The following FAM3B variants were observed in gnomAD, a reference collection of about 807,000 sequenced individuals.
FAM3B encodes the protein protein FAM3B.
A neutral mutation model predicts 28.4 loss-of-function variants in FAM3B; 29 were observed. The observed-to-expected ratio is 1.02, with a 90% CI of 0.76 to 1.39. The LOEUF is 1.39. FAM3B is among the 40% of genes most tolerant of loss of function. FAM3B has a pLI of 0.00. For synonymous variants in FAM3B, 91 were observed against 103.0 expected (o/e 0.88, Z 0.71); for missense variants, 266 against 293.9 (o/e 0.91, Z 0.69).
At chr21:41,343,021 G>T (rs2089021806) in intron 3 of FAM3B, among the ~76,000 whole-genome samples, 3 of 152,196 alleles carry the variant, frequency 2.0e-5, no homozygotes, top group African/African-American at 7.2e-5. Context: ...AAGATTTTCT[G>T]GGCCACCTAG....
At chr21:41,307,355 T>G (rs923950729) in intron 1 of FAM3B, among the ~76,000 whole-genome samples, 2 of 152,208 alleles carry the variant, frequency 1.3e-5, no homozygotes, top group Non-Finnish European at 2.9e-5. Flanking sequence ...TGAGGAAATA[T>G]CATGGTTTAC....
In FAM3B at chr21:41,357,200, C is replaced by T; in HGVS notation, c.*3C>T. The T allele has an allele frequency of 6.2e-7, 1 of 1,602,864 alleles. No homozygotes were observed. The highest frequency in any genetic ancestry group is 8.5e-7 in the Non-Finnish European group (1 of 1,171,276). ...GCATACCCAAAGAACGAAGCTGACA[C>T]TGCAGGGTCCTGAGTAAATGTGTTC... On this transcript the variant is annotated 3_prime_UTR_variant, in exon 8 of 8. Coordinates refer to ENST00000357985, the MANE Select transcript of FAM3B (RefSeq NM_058186.4).
At chr21:41,346,105 T>C in intron 5 of FAM3B, 1 of 209,270 alleles carries the variant, frequency 4.8e-6, no homozygotes, top group Non-Finnish European at 9.5e-6. Flanking sequence ...CTTTGAAAGC[T>C]GTCACGATTA....
chr21:41,351,777 G>A (rs2089122529), intron 7 of FAM3B, among the ~76,000 whole-genome samples: 2 of 152,168 alleles, frequency 1.3e-5, no homozygotes, highest in Admixed American at 1.3e-4. Flanking sequence ...CCCACTACCT[G>A]CTGAATTGAA....
chr21:41,323,735 C>T (rs988705711), intron 2 of FAM3B, among the ~76,000 whole-genome samples: 4 of 152,076 alleles, frequency 2.6e-5, no homozygotes, highest in Admixed American at 6.5e-5. Context: ...AAATGAGATT[C>T]GAGAGAGGAT....
At chr21:41,350,635 C>T (rs1439405380) in intron 7 of FAM3B, among the ~76,000 whole-genome samples, 1 of 152,224 alleles carries the variant, frequency 6.6e-6, no homozygotes, top group Non-Finnish European at 1.5e-5. Flanking sequence ...GATGTCCAGG[C>T]TGTGCGCAGG....
In FAM3B at chr21:41,326,539, G is replaced by T. The variant is rs1276472860; in HGVS notation, c.163+3473G>T. ...CCACACGAAACAGGACTCTCACTTTGCAGAGCGCCAGGGGCTGCAAGTCTA... is the reference window on the plus strand; with the variant it reads ...CCACACGAAACAGGACTCTCACTTTTCAGAGCGCCAGGGGCTGCAAGTCTA... On this transcript the variant is annotated intron_variant, in intron 2 of 7. Coordinates refer to ENST00000357985, the MANE Select transcript of FAM3B (RefSeq NM_058186.4). This position sits in a 1 kb window ranked among gnomAD's most constrained non-coding sequence, Gnocchi z 4.0. Among the ~76,000 whole-genome samples the T allele has an allele frequency of 6.6e-6, 1 of 152,258 alleles. No homozygotes were observed. Among genetic ancestry groups the T allele is most frequent in the Non-Finnish European group, 1.5e-5 (1 of 68,044 alleles).
At chr21:41,341,791 C>T (rs1249630747) in intron 3 of FAM3B, among the ~76,000 whole-genome samples, 3 of 152,196 alleles carry the variant, frequency 2.0e-5, no homozygotes, top group Non-Finnish European at 4.4e-5. Flanking sequence ...GTTTATGTCT[C>T]TTGGTGCACA....
In FAM3B at chr21:41,330,846, G is replaced by A. The variant is rs145356396; in HGVS notation, c.164-7532G>A. Among the ~76,000 whole-genome samples the A allele has an allele frequency of 3.4e-3, 516 of 152,186 alleles. 5 individuals carry two copies. Among genetic ancestry groups the A allele is most frequent in the African/African-American group, 0.011 (439 of 41,500 alleles). On this transcript the variant is annotated intron_variant, in intron 2 of 7. Transcript: ENST00000357985. ...CATTTTCCTTATTCATTCATTCATC[G>A]ATGGGCACATAGATTGATTCTGTAT... is the stretch of plus-strand genomic sequence containing the variant.
chr21:41,352,521 G>T (rs1323268827), intron 7 of FAM3B, among the ~76,000 whole-genome samples: 3 of 152,142 alleles, frequency 2.0e-5, no homozygotes, highest in South Asian at 4.1e-4. Context: ...TAGGCCAGGC[G>T]CAGTGGCTCA....
intron 2 of FAM3B, among the ~76,000 whole-genome samples, chr21:41,334,644 C>G (rs1263093450): frequency 6.6e-6 from 1 of 152,150 alleles, no homozygotes; most frequent in Non-Finnish European, 1.5e-5. Context: ...CAAGCAGAAG[C>G]TGCTGCTGGG....
chr21:41,349,912 T>G lies in FAM3B; in HGVS notation c.618+1188T>G, dbSNP rs532151333. Among the ~76,000 whole-genome samples, 56 of 152,294 alleles carry G rather than the reference T, an allele frequency of 3.7e-4. 2 individuals carry two copies. The South Asian group carries it at 0.012, about 32-fold the overall frequency. On this transcript the variant is annotated intron_variant, in intron 7 of 7. Transcript: ENST00000357985. ...CCCTGCAGAACGTGTAGGGAATGTTTCCCGGGGCCCTGGCCTCGACCCCTC... is the reference window on the plus strand; with the variant it reads ...CCCTGCAGAACGTGTAGGGAATGTTGCCCGGGGCCCTGGCCTCGACCCCTC...
rs887053604 is a variant in FAM3B, at chr21:41,326,718, G to C, written c.163+3652G>C. Among the ~76,000 whole-genome samples, 1 of 152,244 alleles carries C rather than the reference G, an allele frequency of 6.6e-6. No homozygotes were observed. Among genetic ancestry groups the C allele is most frequent in the South Asian group, 2.1e-4 (1 of 4,838 alleles). On this transcript the variant is annotated intron_variant, in intron 2 of 7. Coordinates refer to ENST00000357985, the MANE Select transcript of FAM3B (RefSeq NM_058186.4). This position sits in a 1 kb window ranked among gnomAD's most constrained non-coding sequence, Gnocchi z 4.0. ...GGCCCCGCTGGAGACGCCAGCACCA[G>C]CCCTTTGGGTGAGTGTCCTGGGTCC...
intron 2 of FAM3B, among the ~76,000 whole-genome samples, chr21:41,334,535 T>G (rs2088935749): frequency 6.6e-6 from 1 of 152,120 alleles, no homozygotes; most frequent in Non-Finnish European, 1.5e-5. Flanking sequence ...CTGGGGGGTA[T>G]TCACATGATA....
chr21:41,345,918 A>G, intron 5 of FAM3B, 182 bp downstream of exon 5: 1 of 534,798 alleles, frequency 1.9e-6, no homozygotes, highest in Non-Finnish European at 3.3e-6. Context: ...TTCATAGAAC[A>G]TTTGAAGGCA....
rs3037004 is a variant in FAM3B, at chr21:41,330,134, G to GAAA, written c.163+7083_163+7085dup. 7.4e-4 allele frequency among the ~76,000 whole-genome samples: 102 copies of GAAA among 138,730 alleles called. 1 individual carries two copies. Among genetic ancestry groups the GAAA allele is most frequent in the East Asian group, 2.3e-3 (11 of 4,846 alleles). The allele number at this position is 138,730 out of a possible 152,430, so 91.0% of individuals were successfully genotyped here. On this transcript the variant is annotated intron_variant, in intron 2 of 7. Transcript: ENST00000357985. ...CTTTATCATAGTTATGTCTGTATAG[G>GAAA]AAAAAAAAAAAAAAAAACATAATAC...
upstream of FAM3B, chr21:41,316,703 C>T: frequency 2.1e-6 from 1 of 474,872 alleles, no homozygotes; most frequent in South Asian, 5.5e-5. Flanking sequence ...CCCACGCCCG[C>T]CCCGCGCACC....
At chr21:41,320,634 G>C (rs1019951078) in intron 1 of FAM3B, 1 of 152,360 alleles carries the variant, frequency 6.6e-6, no homozygotes, top group Admixed American at 6.6e-5. Context: ...CAGTGCTGGC[G>C]GCTGGATCTG....
intron 2 of FAM3B, 143 bp from the exon 3 acceptor site, chr21:41,338,235 G>A (rs917760667): frequency 1.2e-6 from 1 of 865,124 alleles, no homozygotes; most frequent in Non-Finnish European, 1.8e-6. Context: ...TCTCAGTGAA[G>A]TCTGGAAACC....
Sources: gnomAD v4.1 joint callset for allele counts (sites outside exome capture counted in the v4.1 genomes callset) on GRCh38, gnomAD v4.1.1 for gene constraint, Gnocchi (gnomAD v3.1) non-coding constraint, MANE v1.5 for transcripts, NCBI Gene and HGNC (gene_info 2026-07-23, HGNC 2026-07-21) for gene names.